The following CCDC142 variants were observed in gnomAD, a reference collection of about 807,000 sequenced individuals.
CCDC142 encodes coiled-coil domain-containing protein 142.
CCDC142 carries 67 observed loss-of-function variants against 83.8 expected under a neutral mutation model. The ratio of observed to expected loss-of-function variants is 0.80; its 90% CI spans 0.66 to 0.98. The LOEUF (loss-of-function observed/expected upper bound fraction) is 0.98. CCDC142 is among the 50% of genes least tolerant of loss of function. The probability of loss-of-function intolerance (pLI) is 0.00; values close to 1 mark genes in which losing one functional copy is unlikely to be tolerated. For missense variants in CCDC142, 905 were observed against 946.8 expected (o/e 0.96, Z 0.58); for synonymous variants, 421 against 421.2 (o/e 1.00, Z 0.01).
intron 1 of CCDC142, 127 bp downstream of exon 1, chr2:74,481,690 G>T: frequency 7.2e-7 from 1 of 1,385,888 alleles, no homozygotes; most frequent in Non-Finnish European, 1.0e-6. Flanking sequence ...AGAAGCTATA[G>T]TCTGAACCCA....
chr2:74,482,755 TC>T lies in CCDC142; in HGVS notation c.82del (p.Glu28ArgfsTer36). ...CGTTCGACTTCTCTCCCACTGCTCC[TC>T]CCCAGTGCCCCCGGGTTGCGCCCTC... ...PLRAQPGGTGEEQWERSRTGG... is the reference protein window; with the variant it reads ...PLRAQPGGTGXEQWERSRTGG... On this transcript the variant is annotated frameshift_variant, in exon 1 of 9. Transcript: ENST00000393965. LOFTEE classifies it high-confidence loss of function. The surrounding 1 kb of genome is among the most constrained non-coding windows in gnomAD (Gnocchi z 5.0). The T allele has an allele frequency of 6.2e-7, 1 of 1,601,656 alleles. No homozygotes were observed.
chr2:74,481,603 CAAT>C (rs1169748875), intron 1 of CCDC142, 65 bp from the exon 2 acceptor site: 8 of 1,497,548 alleles, frequency 5.3e-6, no homozygotes, highest in African/African-American at 1.4e-5. Flanking sequence ...CCTGCCCACT[CAAT>C]GATGAGGCAA....
chr2:74,476,280 C>G (rs781258812), intron 5 of CCDC142, among the ~76,000 whole-genome samples: 39 of 152,166 alleles, frequency 2.6e-4, no homozygotes, highest in Non-Finnish European at 5.1e-4. Context: ...TCAAGTGATT[C>G]TCCTGCCTCA....
intron 6 of CCDC142, 81 bp from the exon 7 acceptor site, chr2:74,475,483 T>G: frequency 6.7e-7 from 1 of 1,489,208 alleles, no homozygotes. Flanking sequence ...GAGGGTAGGA[T>G]TTCAGGAGGG....
rs1478668737 is a variant in CCDC142, at chr2:74,475,522, G to C, written c.1618+90C>G. ...GGTACAGAAGCTGAGGACAAGGATG[G>C]AGACAGTGGAGGGGAACCGGAATTT... On this transcript the variant is annotated intron_variant, in intron 6 of 8. Coordinates refer to ENST00000393965, the MANE Select transcript of CCDC142 (RefSeq NM_001365575.2). 3.5e-6 allele frequency: 5 copies of C among 1,445,936 alleles called. No homozygotes were observed. In the African/African-American group the frequency reaches 5.7e-5, roughly 16 times the overall value. 89.6% of individuals were successfully genotyped at this position (1,445,936 alleles called of 1,614,324 possible).
chr2:74,475,847 G>A, intron 5 of CCDC142, 121 bp from the exon 6 acceptor site: 1 of 652,262 alleles, frequency 1.5e-6, no homozygotes, highest in Admixed American at 3.0e-5. Context: ...AGTTGTGTAT[G>A]CCTGGCCATT....
rs920658127 is a variant in CCDC142, at chr2:74,473,880, C to G, written c.*666G>C. 5.4e-5 allele frequency: 8 copies of G among 146,890 alleles called. No homozygotes were observed. The highest frequency in any genetic ancestry group is 7.5e-5 in the African/African-American group (3 of 40,070). 9.1% of individuals were successfully genotyped at this position (146,890 alleles called of 1,614,324 possible). On this transcript the variant is annotated 3_prime_UTR_variant, in exon 9 of 9. Transcript: ENST00000393965. ...CTTCGCCTCCTAGGTTCAAGCGATT[C>G]TCCTGCCTCAGCCTCCTGAGTAGCT...
rs1299547205 is a variant in CCDC142, at chr2:74,474,915, C to T, written c.1996+1G>A. 1.3e-5 allele frequency: 20 copies of T among 1,589,874 alleles called. No homozygotes were observed. Among genetic ancestry groups the T allele is most frequent in the Non-Finnish European group, 1.4e-5 (16 of 1,166,986 alleles). ...GCAGTGAGCGAAGGGGAGTAACTCA[C>T]AGCAACAGGGGGGCCTCCTGTGGAC... On this transcript the variant is annotated splice_donor_variant, in intron 8 of 8. Transcript: ENST00000393965. LOFTEE classifies it high-confidence loss of function.
At position 74,474,081 on chromosome 2, in the gene CCDC142, A is replaced by ATT. The variant is rs36104438; in HGVS notation, c.*463_*464dup. 1.8e-3 allele frequency: 178 copies of ATT among 97,424 alleles called. 2 individuals carry two copies. The highest frequency in any genetic ancestry group is 9.8e-3 in the Middle Eastern group (1 of 102). The allele number at this position is 97,424 out of a possible 1,614,324, so 6.0% of individuals were successfully genotyped here. A position where few individuals can be genotyped will look rare whatever the true frequency, so the allele number is the denominator to read the frequency against. On this transcript the variant is annotated 3_prime_UTR_variant, in exon 9 of 9. Coordinates refer to ENST00000393965, the MANE Select transcript of CCDC142 (RefSeq NM_001365575.2). ...GCCACCATGCCCTGCCTAATCTTGG[A>ATT]TTTTTTTTTTTTTTTTTTTTGAGAC...
intron 5 of CCDC142, among the ~76,000 whole-genome samples, chr2:74,477,155 A>G (rs924571832): frequency 1.1e-4 from 16 of 150,974 alleles, no homozygotes; most frequent in Non-Finnish European, 4.4e-5. Context: ...TTTCGCTCTT[A>G]TTGCCCAGGC....
chr2:74,477,986 A>AT (rs1173700550), intron 5 of CCDC142, among the ~76,000 whole-genome samples: 1 of 145,756 alleles, frequency 6.9e-6, no homozygotes, highest in Admixed American at 7.0e-5. Context: ...CAAACTTCTA[A>AT]TTAAAAAAAA....
intron 1 of CCDC142, 97 bp downstream of exon 1, chr2:74,481,720 G>T: frequency 6.9e-7 from 1 of 1,448,596 alleles, no homozygotes; most frequent in Non-Finnish European, 9.5e-7. Flanking sequence ...TTTCTAAAGG[G>T]CCTGCTTTTG....
At position 74,473,493 on chromosome 2, in the gene CCDC142, T is replaced by G. The variant is rs1025545373; in HGVS notation, c.*1053A>C. On this transcript the variant is annotated 3_prime_UTR_variant, in exon 9 of 9. Coordinates refer to ENST00000393965, the MANE Select transcript of CCDC142 (RefSeq NM_001365575.2). ...GTGCCACCACGCCCGGCTAATTTTT[T>G]GTATTTTTAGTAGAGGCGGGGTTTC... Among the ~76,000 whole-genome samples, 5 of 152,042 alleles carry G rather than the reference T, an allele frequency of 3.3e-5. No individual in the cohort carries two copies. The highest frequency in any genetic ancestry group is 2.0e-4 in the Admixed American group (3 of 15,256).
intron 5 of CCDC142, among the ~76,000 whole-genome samples, chr2:74,479,655 G>A (rs546517673): frequency 6.6e-6 from 1 of 152,302 alleles, no homozygotes; most frequent in Admixed American, 6.5e-5. Context: ...GAATGCAGTG[G>A]CTATCACAGC....
In CCDC142 at chr2:74,482,330, G is replaced by A; in HGVS notation, c.508C>T (p.Pro170Ser). ...ETLEPLLLAR[P>S]IGLAAQCLEA... ...AGGCACTGGGCGGCTAGTCCGATGG[G>A]GCGCGCTAGCAGCAGCGGCTCGAGA... Residue 170 changes from proline (P) to serine (S), a missense_variant, in exon 1 of 9, where the codon CCC becomes TCC. Physicochemically the swap from Pro to Ser is moderately conservative, Grantham distance 74. Coordinates refer to ENST00000393965, the MANE Select transcript of CCDC142 (RefSeq NM_001365575.2). The surrounding 1 kb of genome is among the most constrained non-coding windows in gnomAD (Gnocchi z 5.0). The A allele has an allele frequency of 6.2e-7, 1 of 1,607,212 alleles. No individual in the cohort carries two copies. Among genetic ancestry groups the A allele is most frequent in the South Asian group, 1.1e-5 (1 of 90,238 alleles).
chr2:74,475,151 C>G, intron 7 of CCDC142, 36 bp from the exon 8 acceptor site: 1 of 1,611,626 alleles, frequency 6.2e-7, no homozygotes, highest in Non-Finnish European at 8.5e-7. Context: ...ACTTGACCCT[C>G]CTGCCTCTCC....
Position 74,474,778 on chromosome 2 carries a change from G to A in CCDC142, c.2021C>T (p.Thr674Met). The A allele has an allele frequency of 8.7e-6, 14 of 1,612,484 alleles. No individual in the cohort carries two copies. Among genetic ancestry groups the A allele is most frequent in the Non-Finnish European group, 1.1e-5 (13 of 1,178,964 alleles). The part of the protein sequence containing the change: ...CCCACQEVQT[T>M]KLPSSCLNSL... ...ATTGAGGCAGCTGCTGGGCAATTTC[G>A]TGGTCTGGACCTCCTGACAAGCACC... Residue 674 changes from threonine to methionine, a missense_variant, in exon 9 of 9, where the codon ACG (threonine) becomes ATG (methionine). By Grantham distance (81) the Thr-to-Met change is moderately conservative. This residue lies in a region of CCDC142 where 265 missense variants were observed against 288.9 expected (regional missense o/e 0.92). Coordinates refer to ENST00000393965, the MANE Select transcript of CCDC142 (RefSeq NM_001365575.2).
chr2:74,474,876 T>G, intron 8 of CCDC142, 40 bp downstream of exon 8: 1 of 1,579,582 alleles, frequency 6.3e-7, no homozygotes. Flanking sequence ...AGAATAGGGT[T>G]TGGGACACAC....
chr2:74,476,145 C>T (rs1672320803), intron 5 of CCDC142, among the ~76,000 whole-genome samples: 1 of 147,314 alleles, frequency 6.8e-6, no homozygotes, highest in African/African-American at 2.5e-5. Flanking sequence ...CTGCAATGGG[C>T]AGAAATTGAG....
Sources: gnomAD v4.1 joint callset for allele counts (sites outside exome capture counted in the v4.1 genomes callset) on GRCh38, gnomAD v4.1.1 for gene constraint, gnomAD v4.1.1 regional missense constraint, Gnocchi (gnomAD v3.1) non-coding constraint, MANE v1.5 for transcripts, NCBI Gene and HGNC (gene_info 2026-07-23, HGNC 2026-07-21) for gene names.